The following JAKMIP2 variants were observed in gnomAD, a reference collection of about 807,000 sequenced individuals.
The protein encoded by JAKMIP2 is janus kinase and microtubule-interacting protein 2.
A neutral mutation model predicts 115.0 loss-of-function variants in JAKMIP2; 25 were observed. The observed-to-expected ratio is 0.22, with a 90% confidence interval of 0.16 to 0.30. JAKMIP2 has a LOEUF of 0.30. JAKMIP2 is among the 10% of genes least tolerant of loss of function. The probability of loss-of-function intolerance (pLI) is 1.00; values close to 1 mark genes in which losing one functional copy is unlikely to be tolerated. For missense variants in JAKMIP2, 642 were observed against 957.6 expected, an observed-to-expected ratio of 0.67 and a Z score of 4.35; for synonymous variants, 334 against 343.6, an observed-to-expected ratio of 0.97 and a Z score of 0.31.
intron 1 of JAKMIP2, among the ~76,000 whole-genome samples, chr5:147,752,374 A>G (rs1000155280): frequency 6.6e-6 from 1 of 152,210 alleles, no homozygotes; most frequent in Non-Finnish European, 1.5e-5. Context: ...AGTGAGTGAC[A>G]TGACCATATT....
At position 147,629,744 on chromosome 5, in the gene JAKMIP2, A is replaced by G. The variant is rs1393663225; in HGVS notation, c.1878T>C (p.Asp626=). ...GCTTTATGAGATCAGGGATGTTCACATCCTGCAAAATCAAGCAGAAACTCA... is the reference window on the plus strand; with the variant it reads ...GCTTTATGAGATCAGGGATGTTCACGTCCTGCAAAATCAAGCAGAAACTCA... The part of the protein sequence containing the change: ...QIYCMKEGVK[D]VNIPDLIKQL... Residue 626 remains aspartate (D), a splice_region_variant and synonymous_variant, in exon 15 of 22, where the codon GAT becomes GAC. Coordinates refer to ENST00000616793, the MANE Select transcript of JAKMIP2 (RefSeq NM_001270941.2). 5 of 1,611,386 alleles carry G rather than the reference A, an allele frequency of 3.1e-6. No homozygotes were observed. Among genetic ancestry groups the G allele is most frequent in the Non-Finnish European group, 4.2e-6 (5 of 1,178,668 alleles).
rs182018400 is a variant in JAKMIP2, at chr5:147,724,902, T to G, written c.-148-52948A>C. Among the ~76,000 whole-genome samples, 119 of 152,270 alleles carry G rather than the reference T, an allele frequency of 7.8e-4. 1 individual carries two copies. In the East Asian group the frequency reaches 0.02, roughly 25 times the overall value. On this transcript the variant is annotated intron_variant, in intron 1 of 21. Coordinates refer to ENST00000616793, the MANE Select transcript of JAKMIP2 (RefSeq NM_001270941.2). Reference sequence around the variant, plus strand: ...GAACAACTCCATCTTGAATAGGAGCTGGGTAAAATAAGGCTGAGACCTACT... The same window carrying G: ...GAACAACTCCATCTTGAATAGGAGCGGGGTAAAATAAGGCTGAGACCTACT...
At chr5:147,659,737 G>A (rs1197442421) in intron 3 of JAKMIP2, among the ~76,000 whole-genome samples, 7 of 152,046 alleles carry the variant, frequency 4.6e-5, no homozygotes, top group Non-Finnish European at 1.0e-4. Context: ...CCAAAGGCAG[G>A]GCAGAGACCG....
At chr5:147,646,674 C>T (rs1758146016) in intron 5 of JAKMIP2, among the ~76,000 whole-genome samples, 1 of 150,078 alleles carries the variant, frequency 6.7e-6, no homozygotes, top group Non-Finnish European at 1.5e-5. Context: ...GTTATAAATA[C>T]ATATATATAT....
At chr5:147,675,830 A>G (rs1759919521) in intron 1 of JAKMIP2, among the ~76,000 whole-genome samples, 1 of 137,960 alleles carries the variant, frequency 7.2e-6, no homozygotes. Flanking sequence ...CCACTTTAGC[A>G]TAATGTTTTC....
chr5:147,721,671 G>A (rs1242518879), intron 1 of JAKMIP2, among the ~76,000 whole-genome samples: 6 of 152,246 alleles, frequency 3.9e-5, no homozygotes, highest in Admixed American at 1.3e-4. Flanking sequence ...GACCCCTTGC[G>A]CTTCCCAAGT....
intron 16 of JAKMIP2, among the ~76,000 whole-genome samples, chr5:147,626,824 G>T (rs1469002265): frequency 6.6e-6 from 1 of 152,082 alleles, no homozygotes; most frequent in Non-Finnish European, 1.5e-5. Flanking sequence ...CCCATGTTTT[G>T]TTTGTAGCCC....
At chr5:147,657,499 G>T (rs994174299) in intron 3 of JAKMIP2, among the ~76,000 whole-genome samples, 1 of 152,100 alleles carries the variant, frequency 6.6e-6, no homozygotes, top group African/African-American at 2.4e-5. Flanking sequence ...ATCTTCTAAT[G>T]GAGTATCTTA....
At chr5:147,750,755 G>A (rs940805989) in intron 1 of JAKMIP2, among the ~76,000 whole-genome samples, 3 of 152,108 alleles carry the variant, frequency 2.0e-5, no homozygotes, top group African/African-American at 7.2e-5. Flanking sequence ...TCTTGAGAGT[G>A]GGATTCTAGT....
chr5:147,730,881 C>T (rs1239320627), intron 1 of JAKMIP2, among the ~76,000 whole-genome samples: 1 of 152,162 alleles, frequency 6.6e-6, no homozygotes, highest in African/African-American at 2.4e-5. Flanking sequence ...TATACATTCC[C>T]ACTTGCTCAT....
At position 147,723,772 on chromosome 5, in the gene JAKMIP2, A is replaced by G. The variant is rs541141640; in HGVS notation, c.-148-51818T>C. Among the ~76,000 whole-genome samples the G allele has an allele frequency of 6.6e-5, 10 of 152,284 alleles. No homozygotes were observed. In the South Asian group the frequency reaches 2.1e-3, roughly 32 times the overall value. On this transcript the variant is annotated intron_variant, in intron 1 of 21. Transcript: ENST00000616793. ...AAGCCACATGGCTTAAAAAGTACTC[A>G]TTCTGTCTTATCCACCAGCCATGGC...
intron 1 of JAKMIP2, among the ~76,000 whole-genome samples, chr5:147,680,683 C>A (rs919106006): frequency 3.9e-5 from 6 of 152,146 alleles, no homozygotes; most frequent in African/African-American, 1.4e-4. Flanking sequence ...TTCCTGGTCA[C>A]CTGCAGTGAC....
intron 21 of JAKMIP2, among the ~76,000 whole-genome samples, chr5:147,596,692 C>T (rs1003505736): frequency 2.0e-5 from 3 of 152,162 alleles, no homozygotes; most frequent in Non-Finnish European, 4.4e-5. Context: ...TAAAACATAA[C>T]TCCTACCCTA....
intron 2 of JAKMIP2, among the ~76,000 whole-genome samples, chr5:147,669,790 A>G (rs1759487717): frequency 6.6e-6 from 1 of 152,226 alleles, no homozygotes. Context: ...GCTGGAAGTC[A>G]TCTGCATCTG....
In JAKMIP2 at chr5:147,778,620, G is replaced by A. The variant is rs150189418; in HGVS notation, c.-149+3836C>T. Among the ~76,000 whole-genome samples the A allele has an allele frequency of 5.4e-3, 815 of 151,922 alleles. 6 individuals are homozygous for A. The highest frequency in any genetic ancestry group is 0.034 in the Middle Eastern group (10 of 294). The stretch of plus-strand genomic sequence containing the variant: ...TCCACTTATTTTAAATAATTATTAC[G>A]ACACTAGCTTTGCTGATAATGATAG... On this transcript the variant is annotated intron_variant, in intron 1 of 21. Coordinates refer to ENST00000616793, the MANE Select transcript of JAKMIP2 (RefSeq NM_001270941.2).
intron 4 of JAKMIP2, 30 bp from the exon 5 acceptor site, chr5:147,648,504 T>G: frequency 8.2e-7 from 1 of 1,216,232 alleles, no homozygotes; most frequent in Non-Finnish European, 1.2e-6. Flanking sequence ...TGGGTATTTC[T>G]TCAACAACAC....
chr5:147,660,022 T>TA (rs898264015), intron 3 of JAKMIP2, among the ~76,000 whole-genome samples: 6 of 152,222 alleles, frequency 3.9e-5, no homozygotes, highest in African/African-American at 9.6e-5. Flanking sequence ...TAGTTTTTCC[T>TA]AAAAAAAGCC....
rs1755023330 is a variant in JAKMIP2 at position 147,589,672 on chromosome 5, G to C, written c.*2035C>G. 1.3e-5 allele frequency: 2 copies of C among 152,132 alleles called. No individual in the cohort carries two copies. Among genetic ancestry groups the C allele is most frequent in the Non-Finnish European group, 1.5e-5 (1 of 68,018 alleles). 9.4% of individuals were successfully genotyped at this position (152,132 alleles called of 1,614,324 possible). On this transcript the variant is annotated 3_prime_UTR_variant, in exon 22 of 22. Transcript: ENST00000616793. ...AGAGAGCTGGGAGATGCTTATCATA[G>C]AAATGACACACTCTTCTATCTTGTT...
chr5:147,612,380 A>C lies in JAKMIP2; in HGVS notation c.2347-9T>G. On this transcript the variant is annotated splice_polypyrimidine_tract_variant and intron_variant, in intron 19 of 21. Coordinates refer to ENST00000616793, the MANE Select transcript of JAKMIP2 (RefSeq NM_001270941.2). The stretch of plus-strand genomic sequence containing the variant: ...TCTAAGTCACGAATTCTCTGAAGAA[A>C]GAAAAGAAAAGAAAGAAAGCATCAG... 6.7e-7 allele frequency: 1 copy of C among 1,497,518 alleles called. No individual in the cohort carries two copies. Among genetic ancestry groups the C allele is most frequent in the Non-Finnish European group, 9.2e-7 (1 of 1,092,620 alleles). The allele number at this position is 1,497,518 out of a possible 1,614,324, so 92.8% of individuals were successfully genotyped here. A position where few individuals can be genotyped will look rare whatever the true frequency, so the allele number is the denominator to read the frequency against.
Sources: gnomAD v4.1 joint callset for allele counts (sites outside exome capture counted in the v4.1 genomes callset) on GRCh38, gnomAD v4.1.1 for gene constraint, MANE v1.5 for transcripts, NCBI Gene and HGNC (gene_info 2026-07-23, HGNC 2026-07-21) for gene names.